The following FGF13 variants were observed in gnomAD, a reference collection of about 807,000 sequenced individuals.
The protein encoded by FGF13 is fibroblast growth factor 13, also known as fibroblast growth factor homologous factor 2.
Under a neutral mutation model 19.5 loss-of-function variants are expected in FGF13, and 2 were observed. That is an observed-to-expected ratio of 0.10 (90% CI 0.04 to 0.32). FGF13 has a LOEUF of 0.32. Among genes scored for constraint, FGF13 ranks in the 10% least tolerant of loss-of-function variants. FGF13 has a pLI of 1.00. For missense variants in FGF13, 113 were observed against 192.7 expected, an observed-to-expected ratio of 0.59 and a Z score of 2.45; for synonymous variants, 72 against 76.9, an observed-to-expected ratio of 0.94 and a Z score of 0.33.
At chrX:138,934,438 G>C (rs1353974572) in intron 1 of FGF13, among the ~76,000 whole-genome samples, 1 of 112,219 alleles carries the variant, frequency 8.9e-6, no homozygotes, top group Non-Finnish European at 1.9e-5. Flanking sequence ...AAGCAGAAAT[G>C]ACCTGCCATC....
chrX:138,783,953 G>C (rs867990321), intron 3 of FGF13, among the ~76,000 whole-genome samples: 194 of 103,584 alleles, frequency 1.9e-3, no homozygotes, highest in African/African-American at 6.2e-3. Context: ...AAGAAAATGT[G>C]GCACATATAC....
intron 3 of FGF13, among the ~76,000 whole-genome samples, chrX:138,810,425 C>T (rs1468566038): frequency 9.0e-6 from 1 of 111,356 alleles, no homozygotes; most frequent in South Asian, 3.8e-4. Flanking sequence ...CTTCCTTACA[C>T]CTTATACAAA....
chrX:139,111,370 C>T (rs187758268), intron 1 of FGF13, among the ~76,000 whole-genome samples: 34 of 111,683 alleles, frequency 3.0e-4, no homozygotes, highest in African/African-American at 1.0e-3. Context: ...GCTGGGAGAT[C>T]CTCAGTAGCA....
chrX:139,009,089 G>A (rs191702598), intron 1 of FGF13, among the ~76,000 whole-genome samples: 8 of 111,466 alleles, frequency 7.2e-5, no homozygotes, highest in Non-Finnish European at 3.8e-5. Flanking sequence ...CGAACAAGCA[G>A]AACCAAATCC....
chrX:138,753,247 T>C (rs2090409658), intron 3 of FGF13, among the ~76,000 whole-genome samples: 1 of 112,160 alleles, frequency 8.9e-6, no homozygotes, highest in South Asian at 3.7e-4. Context: ...AAAGCTTTAC[T>C]TATCTGGAGT....
At chrX:138,931,660 G>A (rs1458451044) in intron 1 of FGF13, among the ~76,000 whole-genome samples, 1 of 111,744 alleles carries the variant, frequency 8.9e-6, no homozygotes, top group Non-Finnish European at 1.9e-5. Context: ...TATGTGAATA[G>A]AGTCATCAGC....
At chrX:138,716,757 C>T (rs2090107225) in intron 1 of FGF13, 1 of 111,747 alleles carries the variant, frequency 8.9e-6, no homozygotes, top group South Asian at 3.8e-4. Flanking sequence ...AAGATTAGAT[C>T]ATTTAGGGGA....
intron 3 of FGF13, among the ~76,000 whole-genome samples, chrX:138,661,815 T>C (rs2089493452): frequency 9.0e-6 from 1 of 111,683 alleles, no homozygotes; most frequent in Admixed American, 9.6e-5. Flanking sequence ...TTTATTTCGT[T>C]TGATAATTGG....
chrX:138,625,157 GAAT>G lies in FGF13; in HGVS notation c.*7690_*7692del, dbSNP rs1229782469. On this transcript the variant is annotated 3_prime_UTR_variant, in exon 5 of 5. Coordinates refer to ENST00000315930, the MANE Select transcript of FGF13 (RefSeq NM_004114.5). ...GTAATATCACACATGTTATTAATAG[GAAT>G]AATATTATCCAAAACTTAAAAGATA... The G allele has an allele frequency of 9.1e-6, 1 of 110,175 alleles. No individual in the cohort carries two copies. The highest frequency in any genetic ancestry group is 1.9e-5 in the Non-Finnish European group (1 of 52,827). 9.1% of individuals were successfully genotyped at this position (110,175 alleles called of 1,213,427 possible).
rs181087167 is a variant in FGF13, at chrX:138,768,473, G to A, written c.218-59545C>T. ...GGTAATGTTCTACTTCTTCATCTGG[G>A]TGCTCATTATTTAGGTGAGTTCAGT... On this transcript the variant is annotated intron_variant, in intron 3 of 6. Transcript: ENST00000436198. 4.4e-3 allele frequency among the ~76,000 whole-genome samples: 483 copies of A among 109,062 alleles called. 4 individuals are homozygous for A. Among genetic ancestry groups the A allele is most frequent in the African/African-American group, 0.015 (456 of 29,914 alleles). The allele number at this position is 109,062 out of a possible 115,157, so 94.7% of individuals were successfully genotyped here.
chrX:138,936,665 C>G (rs2091732539), intron 1 of FGF13, among the ~76,000 whole-genome samples: 1 of 112,161 alleles, frequency 8.9e-6, no homozygotes, highest in Admixed American at 9.4e-5. Flanking sequence ...CTCCTGCTCA[C>G]TCTATAATTC....
intron 1 of FGF13, among the ~76,000 whole-genome samples, chrX:139,004,085 C>T (rs2092088621): frequency 8.9e-6 from 1 of 112,429 alleles, no homozygotes; most frequent in Admixed American, 9.3e-5. Context: ...GGGTGGTGCT[C>T]GTCGGGGAGG....
rs1217468432 is a variant in FGF13, at chrX:138,891,809, ACAGGC to A, written c.-112-27164_-112-27160del. Among the ~76,000 whole-genome samples the A allele has an allele frequency of 6.3e-5, 7 of 110,247 alleles. No homozygotes were observed. The South Asian group carries it at 2.4e-3, about 37-fold the overall frequency. ...AGGCAGAAAAACATGAAAAGGAGAG[ACAGGC>A]CTAGCTTCCCTCTTTCTTCCGTGCT... On this transcript the variant is annotated intron_variant, in intron 1 of 2. Coordinates refer to the FGF13 transcript ENST00000421460.
chrX:138,704,235 G>A (rs1030497469), intron 2 of FGF13, among the ~76,000 whole-genome samples: 9 of 111,698 alleles, frequency 8.1e-5, no homozygotes, highest in African/African-American at 2.0e-4. Context: ...ATCTGACTGC[G>A]TGAAACTTAC....
intron 3 of FGF13, among the ~76,000 whole-genome samples, chrX:138,746,969 C>G (rs779456983): frequency 1.8e-5 from 2 of 111,446 alleles, no homozygotes; most frequent in South Asian, 7.6e-4. Context: ...TGAAAGGTAT[C>G]AAGTGATTTC....
chrX:138,679,406 T>C (rs181281654), intron 3 of FGF13, among the ~76,000 whole-genome samples: 1 of 111,380 alleles, frequency 9.0e-6, no homozygotes, highest in African/African-American at 3.3e-5. Flanking sequence ...TTAAGGATTC[T>C]ATTAGGTAAC....
At chrX:138,953,915 C>A (rs986445981) in intron 1 of FGF13, among the ~76,000 whole-genome samples, 23 of 110,496 alleles carry the variant, frequency 2.1e-4, no homozygotes, top group African/African-American at 7.6e-4. Flanking sequence ...CATAGAAAAG[C>A]CTTTGTCTCT....
At chrX:138,753,446 G>A (rs748834491) in intron 3 of FGF13, among the ~76,000 whole-genome samples, 7 of 112,202 alleles carry the variant, frequency 6.2e-5, no homozygotes, top group East Asian at 2.8e-4. Context: ...GATTTTTAGC[G>A]TACAGACATC....
At chrX:139,151,570 A>AT (rs1779321863) in intron 1 of FGF13, among the ~76,000 whole-genome samples, 1 of 112,067 alleles carries the variant, frequency 8.9e-6, no homozygotes, top group African/African-American at 3.2e-5. Flanking sequence ...GTTCAGTAAA[A>AT]TTTTTTAAGA....
Sources: allele counts gnomAD v4.1 joint callset (sites outside exome capture counted in the v4.1 genomes callset), GRCh38; gene constraint gnomAD v4.1.1; transcripts MANE v1.5; gene names NCBI Gene and HGNC (gene_info 2026-07-23, HGNC 2026-07-21).